Variants in ABCF1 observed in about 807,000 individuals in gnomAD.
ABCF1 encodes the protein ATP-binding cassette sub-family F member 1.
ABCF1 carries 73 observed loss-of-function variants against 126.3 expected under a neutral mutation model. The ratio of observed to expected loss-of-function variants is 0.58; its 90% CI spans 0.48 to 0.70. The LOEUF (loss-of-function observed/expected upper bound fraction) is 0.70. ABCF1 is among the 30% of genes least tolerant of loss of function. The pLI, the probability that ABCF1 is intolerant of heterozygous loss-of-function variation, is 0.00. For missense variants in ABCF1, 786 were observed against 1,057.5 expected, an observed-to-expected ratio of 0.74 and a Z score of 3.56; for synonymous variants, 345 against 396.4, an observed-to-expected ratio of 0.87 and a Z score of 1.54.
chr6:30,575,915 AT>A (rs1322410808), intron 1 of ABCF1, among the ~76,000 whole-genome samples: 3 of 151,812 alleles, frequency 2.0e-5, no homozygotes, highest in Non-Finnish European at 1.5e-5. Context: ...AAAAATTATT[AT>A]TTTTTTAATT....
chr6:30,585,424 T>A, intron 15 of ABCF1, 81 bp downstream of exon 15: 3 of 1,582,286 alleles, frequency 1.9e-6, no homozygotes, highest in Non-Finnish European at 2.6e-6. Context: ...CCTTTAGCCC[T>A]TCTCCACTGT....
Position 30,586,786 on chromosome 6 carries a change from G to T in ABCF1, c.2031+75G>T. On this transcript the variant is annotated intron_variant, in intron 20 of 24. Coordinates refer to ENST00000326195, the MANE Select transcript of ABCF1 (RefSeq NM_001025091.2). The surrounding 1 kb of genome is among the most constrained non-coding windows in gnomAD (Gnocchi z 4.9). ...CTGCTTTTGCCAGAAGCTGGAATCAGGGAGCCTCTCGAGAATGTAGAGTTA... is the reference window on the plus strand; with the variant it reads ...CTGCTTTTGCCAGAAGCTGGAATCATGGAGCCTCTCGAGAATGTAGAGTTA... 1 of 1,510,370 alleles carries T rather than the reference G, an allele frequency of 6.6e-7. No individual in the cohort carries two copies. 93.6% of individuals were successfully genotyped at this position (1,510,370 alleles called of 1,614,324 possible).
intron 20 of ABCF1, among the ~76,000 whole-genome samples, chr6:30,587,196 G>A (rs1166174308): frequency 1.3e-5 from 2 of 151,562 alleles, no homozygotes; most frequent in African/African-American, 4.9e-5. Context: ...GTTGCAGTGA[G>A]CTGAGATTGC....
rs556676091 is a variant in ABCF1, at chr6:30,578,679, T to G, written c.489+102T>G. Reference sequence around the variant, plus strand: ...TAAACTAGCTCTTCTCGGTCTGTCTTACTTATACTGTTAAAATCATCTTTT... The same window carrying G: ...TAAACTAGCTCTTCTCGGTCTGTCTGACTTATACTGTTAAAATCATCTTTT... On this transcript the variant is annotated intron_variant, in intron 6 of 24. Coordinates refer to ENST00000326195, the MANE Select transcript of ABCF1 (RefSeq NM_001025091.2). 4.5e-5 allele frequency: 46 copies of G among 1,031,922 alleles called. No individual in the cohort carries two copies. In the African/African-American group the frequency reaches 6.6e-4, roughly 15 times the overall value. The allele number at this position is 1,031,922 out of a possible 1,614,324, so 63.9% of individuals were successfully genotyped here.
chr6:30,575,801 G>A (rs1801466879), intron 1 of ABCF1, among the ~76,000 whole-genome samples: 1 of 152,076 alleles, frequency 6.6e-6, no homozygotes, highest in Non-Finnish European at 1.5e-5. Flanking sequence ...CAGGCACAGT[G>A]GCTCAGGCCT....
In ABCF1 at chr6:30,586,850, G is replaced by C. The variant is rs1308546143; in HGVS notation, c.2031+139G>C. On this transcript the variant is annotated intron_variant, in intron 20 of 24. Transcript: ENST00000326195. The surrounding 1 kb of genome is among the most constrained non-coding windows in gnomAD (Gnocchi z 4.9). Reference sequence around the variant, plus strand: ...TGATAGATGATTCATTTCCCTAAGAGGGGCAGTAGAGGAGGAAAGAGCTTA... The same window carrying C: ...TGATAGATGATTCATTTCCCTAAGACGGGCAGTAGAGGAGGAAAGAGCTTA... 2 of 963,708 alleles carry C rather than the reference G, an allele frequency of 2.1e-6. No homozygotes were observed. The highest frequency in any genetic ancestry group is 5.2e-5 in the East Asian group (2 of 38,340). 59.7% of individuals were successfully genotyped at this position (963,708 alleles called of 1,614,324 possible).
At position 30,578,559 on chromosome 6, in the gene ABCF1, G is replaced by A; in HGVS notation, c.471G>A (p.Glu157=). ...ATCCTCCTAAGCCTGCCAAGCCGGAGAAGAATCGGATCAATAAGGTGACAG... is the reference window on the plus strand; with the variant it reads ...ATCCTCCTAAGCCTGCCAAGCCGGAAAAGAATCGGATCAATAAGGTGACAG... ...EKHPPKPAKP[E]KNRINKAVSE... Residue 157 remains glutamate, a synonymous_variant, in exon 6 of 25, where the codon GAG becomes GAA. Coordinates refer to ENST00000326195, the MANE Select transcript of ABCF1 (RefSeq NM_001025091.2). 6.2e-7 allele frequency: 1 copy of A among 1,613,846 alleles called. No homozygotes were observed. Among genetic ancestry groups the A allele is most frequent in the Non-Finnish European group, 8.5e-7 (1 of 1,179,908 alleles).
chr6:30,572,349 C>A (rs1314288860), intron 1 of ABCF1, among the ~76,000 whole-genome samples: 2 of 152,106 alleles, frequency 1.3e-5, no homozygotes, highest in African/African-American at 4.8e-5. Context: ...AGGGACAACC[C>A]AGTATGGTGA....
chr6:30,571,821 A>C (rs1462701423), intron 1 of ABCF1, among the ~76,000 whole-genome samples: 1 of 152,022 alleles, frequency 6.6e-6, no homozygotes, highest in Non-Finnish European at 1.5e-5. Context: ...CGAGGGAGAG[A>C]TGGGGAGAAA....
Position 30,584,103 on chromosome 6 carries a change from T to A in ABCF1, c.1103-89T>A. 6.5e-7 allele frequency: 1 copy of A among 1,535,428 alleles called. No individual in the cohort carries two copies. Among genetic ancestry groups the A allele is most frequent in the Non-Finnish European group, 8.8e-7 (1 of 1,141,084 alleles). ...AACAAGTACAAAGAGCTGGGCAGGG[T>A]CAGGCAAAACAGAAATGTAATTGAA... is the stretch of plus-strand genomic sequence containing the variant. On this transcript the variant is annotated intron_variant, in intron 12 of 24. Coordinates refer to ENST00000326195, the MANE Select transcript of ABCF1 (RefSeq NM_001025091.2). This position sits in a 1 kb window ranked among gnomAD's most constrained non-coding sequence, Gnocchi z 4.6.
Position 30,578,171 on chromosome 6 carries a change from C to T in ABCF1, c.312C>T (p.Leu104=), listed in dbSNP as rs751780366. 96 of 1,614,018 alleles carry T rather than the reference C, an allele frequency of 5.9e-5. 2 individuals are homozygous for T. The East Asian group carries it at 8.5e-4, about 14-fold the overall frequency. ...EKELMERLKK[L]SVPTSDEEDE... ...AGCTCATGGAGCGTCTTAAGAAGCT[C>T]TCAGTGCCAACCAGTGATGAGGAGG... Residue 104 remains leucine, a synonymous_variant, in exon 4 of 25, where the codon CTC becomes CTT. Coordinates refer to ENST00000326195, the MANE Select transcript of ABCF1 (RefSeq NM_001025091.2).
At position 30,585,679 on chromosome 6, in the gene ABCF1, T is replaced by C; in HGVS notation, c.1597T>C (p.Tyr533His). 1 of 1,613,018 alleles carries C rather than the reference T, an allele frequency of 6.2e-7. No individual in the cohort carries two copies. Among genetic ancestry groups the C allele is most frequent in the Non-Finnish European group, 8.5e-7 (1 of 1,179,994 alleles). The change falls in exon 16 of 25, where the codon TAC (tyrosine) becomes CAC (histidine). Residue 533 changes from tyrosine (Y) to histidine (H), a missense_variant. By Grantham distance (83) the Tyr-to-His change is moderately conservative (BLOSUM62 2). This residue lies in a region of ABCF1 where 288 missense variants were observed against 423.5 expected (regional missense o/e 0.68). Coordinates refer to ENST00000326195, the MANE Select transcript of ABCF1 (RefSeq NM_001025091.2). The stretch of plus-strand genomic sequence containing the variant: ...GCGGCTCCACTACTATAGGGGCAAT[T>C]ACAGTAAGTAGGATTGTGTGTGGAT... ...AQRLHYYRGN[Y>H]MTFKKMYQQK...
Position 30,583,308 on chromosome 6 carries a change from A to G in ABCF1, c.915+120A>G, listed in dbSNP as rs1185685459. ...TTCAGTGGGAAGAAAGATTGGAGGCATTTTCCACACCTTAGGTTCTGCCAA... is the reference window on the plus strand; with the variant it reads ...TTCAGTGGGAAGAAAGATTGGAGGCGTTTTCCACACCTTAGGTTCTGCCAA... On this transcript the variant is annotated intron_variant, in intron 10 of 24. Coordinates refer to ENST00000326195, the MANE Select transcript of ABCF1 (RefSeq NM_001025091.2). The surrounding 1 kb of genome is among the most constrained non-coding windows in gnomAD (Gnocchi z 4.1). The G allele has an allele frequency of 7.3e-7, 1 of 1,370,048 alleles. No individual in the cohort carries two copies. The highest frequency in any genetic ancestry group is 2.3e-5 in the East Asian group (1 of 43,046). 84.9% of individuals were successfully genotyped at this position (1,370,048 alleles called of 1,614,324 possible). A position where few individuals can be genotyped will look rare whatever the true frequency, so the allele number is the denominator to read the frequency against.
At position 30,583,823 on chromosome 6, in the gene ABCF1, C is replaced by T; in HGVS notation, c.1035C>T (p.Leu345=). 2.5e-6 allele frequency: 4 copies of T among 1,614,164 alleles called. No homozygotes were observed. Among genetic ancestry groups the T allele is most frequent in the Non-Finnish European group, 3.4e-6 (4 of 1,180,034 alleles). The change falls in exon 12 of 25, where the codon CTC becomes CTT. Residue 345 remains leucine, a synonymous_variant. Coordinates refer to ENST00000326195, the MANE Select transcript of ABCF1 (RefSeq NM_001025091.2). The surrounding 1 kb of genome is among the most constrained non-coding windows in gnomAD (Gnocchi z 4.1). ...TCCCCAGCAAGGGCAAGACCACACT[C>T]CTCAAGCACATTGCCAACCGAGCCC... ...VGPNGKGKTT[L]LKHIANRALS...
chr6:30,582,005 CAG>C (rs753941728), intron 8 of ABCF1, among the ~76,000 whole-genome samples: 6 of 151,332 alleles, frequency 4.0e-5, no homozygotes, highest in East Asian at 3.9e-4. Flanking sequence ...GGGGCAGGGA[CAG>C]GGGGCAGATG....
Position 30,582,419 on chromosome 6 carries a change from A to T in ABCF1, c.704A>T (p.Glu235Val), listed in dbSNP as rs756252890. ...EQGSEEEGEG[E>V]EEEEEGGESK... is the part of the protein sequence containing the mutation. Reference sequence around the variant, plus strand: ...GGTTCAGAGGAAGAAGGAGAAGGGGAAGAAGAGGAGGAGGAAGGAGGAGAG... The same window carrying T: ...GGTTCAGAGGAAGAAGGAGAAGGGGTAGAAGAGGAGGAGGAAGGAGGAGAG... The change falls in exon 9 of 25, where the codon GAA becomes GTA. Residue 235 changes from glutamate to valine, a missense_variant. Glu to Val is a moderately radical substitution (Grantham distance 121). Coordinates refer to ENST00000326195, the MANE Select transcript of ABCF1 (RefSeq NM_001025091.2). The T allele has an allele frequency of 8.1e-6, 13 of 1,609,596 alleles. 1 individual carries two copies. The highest frequency in any genetic ancestry group is 5.0e-5 in the Admixed American group (3 of 59,954).
chr6:30,586,838 ATT>A lies in ABCF1; in HGVS notation c.2031+129_2031+130del, dbSNP rs1802163520. The A allele has an allele frequency of 1.9e-6, 2 of 1,057,872 alleles. No individual in the cohort carries two copies. The highest frequency in any genetic ancestry group is 4.2e-5 in the Admixed American group (2 of 47,634). The allele number at this position is 1,057,872 out of a possible 1,614,324, so 65.5% of individuals were successfully genotyped here. A position where few individuals can be genotyped will look rare whatever the true frequency, so the allele number is the denominator to read the frequency against. On this transcript the variant is annotated intron_variant, in intron 20 of 24. Transcript: ENST00000326195. The surrounding 1 kb of genome is among the most constrained non-coding windows in gnomAD (Gnocchi z 4.9). ...ATACAGAACTCATGATAGATGATTC[ATT>A]TCCCTAAGAGGGGCAGTAGAGGAGG...
At chr6:30,571,644 C>A in intron 1 of ABCF1, 84 bp downstream of exon 1, 1 of 1,438,790 alleles carries the variant, frequency 7.0e-7, no homozygotes, top group Non-Finnish European at 9.5e-7. Context: ...TCATGGGGCA[C>A]GAGACTGACC....
intron 1 of ABCF1, among the ~76,000 whole-genome samples, chr6:30,573,816 A>G (rs1302055634): frequency 1.3e-5 from 2 of 152,240 alleles, no homozygotes; most frequent in African/African-American, 4.8e-5. Context: ...TTCGGAGATG[A>G]TACCAGATTG....
Sources: allele counts gnomAD v4.1 joint callset (sites outside exome capture counted in the v4.1 genomes callset), GRCh38; gene constraint gnomAD v4.1.1; regional missense constraint gnomAD v4.1.1; non-coding constraint Gnocchi (gnomAD v3.1); transcripts MANE v1.5; gene names NCBI Gene and HGNC (gene_info 2026-07-23, HGNC 2026-07-21).